Variants in EXOC6 observed in about 807,000 individuals in gnomAD.
EXOC6 encodes the protein SEC15-like 1.
EXOC6 carries 60 observed loss-of-function variants against 112.5 expected under a neutral mutation model. The observed-to-expected ratio is 0.53, with a 90% CI of 0.43 to 0.66. EXOC6 has a LOEUF of 0.66. EXOC6 is among the 30% of genes least tolerant of loss of function. The pLI, the probability that EXOC6 is intolerant of heterozygous loss-of-function variation, is 0.00. For synonymous variants in EXOC6, 295 were observed against 308.0 expected, an observed-to-expected ratio of 0.96 and a Z score of 0.44; for missense variants, 855 against 957.1, an observed-to-expected ratio of 0.89 and a Z score of 1.41.
At chr10:93,046,807 A>G (rs1005058916) in intron 20 of EXOC6, among the ~76,000 whole-genome samples, 1 of 152,078 alleles carries the variant, frequency 6.6e-6, no homozygotes, top group Non-Finnish European at 1.5e-5. Flanking sequence ...CATGTTGGCC[A>G]GGCTGGTCTT....
At chr10:93,051,733 C>T (rs1433634746) in intron 20 of EXOC6, among the ~76,000 whole-genome samples, 1 of 152,094 alleles carries the variant, frequency 6.6e-6, no homozygotes, top group Non-Finnish European at 1.5e-5. Flanking sequence ...TTCTTGAATT[C>T]CCAGTGGCAA....
chr10:92,981,516 A>T (rs1367700299), intron 18 of EXOC6, among the ~76,000 whole-genome samples: 1 of 152,222 alleles, frequency 6.6e-6, no homozygotes, highest in East Asian at 1.9e-4. Flanking sequence ...ATTTATGCAA[A>T]TATTTATACT....
intron 20 of EXOC6, among the ~76,000 whole-genome samples, chr10:93,028,579 A>G (rs1215006607): frequency 6.6e-6 from 1 of 152,178 alleles, no homozygotes; most frequent in African/African-American, 2.4e-5. Flanking sequence ...TCAGGCCTGT[A>G]ATCCCAGCAC....
chr10:92,918,416 CTT>C (rs34709274), intron 7 of EXOC6, among the ~76,000 whole-genome samples: 72 of 141,656 alleles, frequency 5.1e-4, no homozygotes, highest in Admixed American at 5.6e-4. Flanking sequence ...ATGTGCATTT[CTT>C]TTTTTTTTTT....
chr10:93,054,468 G>A (rs1318277465), intron 20 of EXOC6, among the ~76,000 whole-genome samples: 2 of 152,186 alleles, frequency 1.3e-5, no homozygotes, highest in African/African-American at 4.8e-5. Flanking sequence ...ATGTCAATAT[G>A]AAAGCATATA....
upstream of EXOC6, among the ~76,000 whole-genome samples, chr10:92,846,237 A>G (rs1847049676): frequency 6.6e-6 from 1 of 152,260 alleles, no homozygotes; most frequent in Non-Finnish European, 1.5e-5. Flanking sequence ...ACTTGGAGCC[A>G]GCTTTGGAAT....
chr10:92,950,944 T>C (rs987099645), intron 14 of EXOC6, among the ~76,000 whole-genome samples: 1 of 152,084 alleles, frequency 6.6e-6, no homozygotes, highest in Non-Finnish European at 1.5e-5. Flanking sequence ...TGAAGCTGAT[T>C]TGAGATGCTT....
chr10:92,873,429 C>T (rs1009525390), intron 1 of EXOC6, among the ~76,000 whole-genome samples: 3 of 152,144 alleles, frequency 2.0e-5, no homozygotes, highest in African/African-American at 7.2e-5. Context: ...TTTGTGAGAA[C>T]AAGTCAAGTA....
Position 92,955,608 on chromosome 10 carries a change from ACC to A in EXOC6, c.1668_1669del (p.Leu557GlyfsTer5), listed in dbSNP as rs1482841674. On this transcript the variant is annotated frameshift_variant, in exon 17 of 22. Coordinates refer to ENST00000260762, the MANE Select transcript of EXOC6 (RefSeq NM_019053.6). LOFTEE classifies it high-confidence loss of function. ...GTACAAATCATCATAAACACAACAC[ACC>A]TGGAGCAAGCTTGTAAATATCTTGA... 1 of 1,611,694 alleles carries A rather than the reference ACC, an allele frequency of 6.2e-7. No homozygotes were observed. Among genetic ancestry groups the A allele is most frequent in the South Asian group, 1.1e-5 (1 of 90,934 alleles).
chr10:93,007,561 G>C (rs1844052735), intron 19 of EXOC6, among the ~76,000 whole-genome samples: 1 of 152,154 alleles, frequency 6.6e-6, no homozygotes, highest in African/African-American at 2.4e-5. Context: ...GCCGAGGCAG[G>C]AGAATTGCTT....
At chr10:92,881,996 C>A (rs1848988258) in intron 1 of EXOC6, among the ~76,000 whole-genome samples, 1 of 152,114 alleles carries the variant, frequency 6.6e-6, no homozygotes, top group Non-Finnish European at 1.5e-5. Context: ...TTTTCTTTAT[C>A]AATTACCCAG....
At chr10:92,853,585 A>G (rs549641291) in intron 1 of EXOC6, among the ~76,000 whole-genome samples, 1 of 152,364 alleles carries the variant, frequency 6.6e-6, no homozygotes, top group African/African-American at 2.4e-5. Flanking sequence ...ACATAAATAG[A>G]TTAACACAGT....
chr10:92,854,488 C>G (rs1404769172), intron 1 of EXOC6, among the ~76,000 whole-genome samples: 1 of 151,754 alleles, frequency 6.6e-6, no homozygotes, highest in Non-Finnish European at 1.5e-5. Context: ...TGTAGAAGAA[C>G]TGGCACTCTC....
chr10:92,887,108 G>C (rs1849257860), intron 1 of EXOC6, among the ~76,000 whole-genome samples: 1 of 152,128 alleles, frequency 6.6e-6, no homozygotes, highest in South Asian at 2.1e-4. Context: ...TTGTCAGGCT[G>C]TCTGATTCAA....
chr10:93,040,804 C>T (rs1214735488), intron 20 of EXOC6, among the ~76,000 whole-genome samples: 4 of 152,306 alleles, frequency 2.6e-5, no homozygotes, highest in Middle Eastern at 3.4e-3. Context: ...ATCATGTTCT[C>T]TTTAAAATTC....
At chr10:92,888,183 CCCT>C in intron 1 of EXOC6, among the ~76,000 whole-genome samples, 2 of 151,920 alleles carry the variant, frequency 1.3e-5, no homozygotes, top group South Asian at 4.2e-4. Context: ...AATAGTTTAC[CCCT>C]CTCAGGCTTT....
At chr10:93,015,992 G>A (rs1188935305) in intron 20 of EXOC6, among the ~76,000 whole-genome samples, 1 of 152,020 alleles carries the variant, frequency 6.6e-6, no homozygotes, top group Non-Finnish European at 1.5e-5. Context: ...TGAAGAAGGT[G>A]GTCTTTATTA....
At chr10:92,917,586 A>T (rs1305164120) in intron 7 of EXOC6, among the ~76,000 whole-genome samples, 4 of 147,082 alleles carry the variant, frequency 2.7e-5, no homozygotes, top group African/African-American at 1.0e-4. Context: ...GTGCAGTGGT[A>T]CAGTCATAGC....
At position 93,058,338 on chromosome 10, in the gene EXOC6, A is replaced by G; in HGVS notation, c.2398A>G (p.Met800Val). ...VKQLRSLVNG[M>V]SQHM ...ACAGCTGAGAAGTTTGGTGAATGGTATGTCCCAGCACATGTAGACCTCACA... is the reference window on the plus strand; with the variant it reads ...ACAGCTGAGAAGTTTGGTGAATGGTGTGTCCCAGCACATGTAGACCTCACA... The change falls in exon 22 of 22, where the codon ATG becomes GTG. Residue 800 changes from methionine to valine, a missense_variant. Transcript: ENST00000260762. 6.2e-7 allele frequency: 1 copy of G among 1,610,916 alleles called. No homozygotes were observed. Among genetic ancestry groups the G allele is most frequent in the Non-Finnish European group, 8.5e-7 (1 of 1,179,372 alleles).
Sources: allele counts gnomAD v4.1 joint callset (sites outside exome capture counted in the v4.1 genomes callset), GRCh38; gene constraint gnomAD v4.1.1; transcripts MANE v1.5; gene names NCBI Gene and HGNC (gene_info 2026-07-23, HGNC 2026-07-21).